The following PEAK1 variants were observed in gnomAD, a reference collection of about 807,000 sequenced individuals.
PEAK1 encodes the protein inactive tyrosine-protein kinase PEAK1.
In PEAK1, 54 loss-of-function variants were observed where a neutral mutation model predicts 124.7. The observed-to-expected ratio is 0.43, with a 90% CI of 0.35 to 0.54. PEAK1 has a LOEUF of 0.54. PEAK1 is among the 20% of genes least tolerant of loss of function. The probability of loss-of-function intolerance (pLI) is 0.01; values close to 1 mark genes in which losing one functional copy is unlikely to be tolerated. For missense variants in PEAK1, 2,046 were observed against 2,134.5 expected (o/e 0.96, Z 0.82); for synonymous variants, 719 against 760.0 (o/e 0.95, Z 0.89).
Position 77,133,848 on chromosome 15 carries a change from G to A in PEAK1, c.3332-98C>T, listed in dbSNP as rs912264028. On this transcript the variant is annotated intron_variant, in intron 8 of 9. Coordinates refer to ENST00000682557, the MANE Select transcript of PEAK1 (RefSeq NM_001385026.1). The surrounding 1 kb of genome is among the most constrained non-coding windows in gnomAD (Gnocchi z 4.2). ...GAGCAGAAATGAGTGAGGTAGCCAT[G>A]GGAATGTAAGAATAAGTCAACTCTT... 1 of 1,301,006 alleles carries A rather than the reference G, an allele frequency of 7.7e-7. No individual in the cohort carries two copies. 80.6% of individuals were successfully genotyped at this position (1,301,006 alleles called of 1,614,324 possible). A position where few individuals can be genotyped will look rare whatever the true frequency, so the allele number is the denominator to read the frequency against.
intron 5 of PEAK1, among the ~76,000 whole-genome samples, chr15:77,279,124 T>C (rs2062521596): frequency 6.6e-6 from 1 of 151,894 alleles, no homozygotes; most frequent in South Asian, 2.1e-4. Flanking sequence ...TGTGTGTGTG[T>C]GTGTGTGTGT....
At chr15:77,213,921 T>C (rs1011256206) in intron 6 of PEAK1, among the ~76,000 whole-genome samples, 6 of 152,162 alleles carry the variant, frequency 3.9e-5, no homozygotes, top group African/African-American at 1.2e-4. Context: ...TTGTGTCCCT[T>C]TGCACTTGAT....
At chr15:77,169,266 T>A (rs1189221432) in intron 7 of PEAK1, among the ~76,000 whole-genome samples, 1 of 152,172 alleles carries the variant, frequency 6.6e-6, no homozygotes, top group Non-Finnish European at 1.5e-5. Flanking sequence ...ATAGGTCTTG[T>A]CAACCAAGTA....
At chr15:77,407,892 T>TATATACACATATATATACAC (rs1555504077) in intron 1 of PEAK1, among the ~76,000 whole-genome samples, 1 of 138,240 alleles carries the variant, frequency 7.2e-6, no homozygotes, top group Non-Finnish European at 1.6e-5. Flanking sequence ...GATATATATA[T>TATATACACATATATATACAC]ATATATATAC....
rs2057267194 is a variant in PEAK1, at chr15:77,181,464, C to T, written c.463G>A (p.Glu155Lys). ...NNNGLTEVLK[E>K]IAGLDTAPQI... ...GGGGCAGTATCCAAGCCTGCTATCT[C>T]CTTTAACACTTCAGTTAGTCCATTA... Residue 155 changes from glutamate to lysine, a missense_variant, in exon 7 of 10, where the codon GAG becomes AAG. Coordinates refer to ENST00000682557, the MANE Select transcript of PEAK1 (RefSeq NM_001385026.1). 6.2e-7 allele frequency: 1 copy of T among 1,614,066 alleles called. No individual in the cohort carries two copies. Among genetic ancestry groups the T allele is most frequent in the African/African-American group, 1.3e-5 (1 of 74,934 alleles).
At chr15:77,283,225 A>G (rs1333010478) in intron 5 of PEAK1, among the ~76,000 whole-genome samples, 3 of 152,208 alleles carry the variant, frequency 2.0e-5, no homozygotes, top group Non-Finnish European at 2.9e-5. Flanking sequence ...ATTTTGTTGT[A>G]TATCAACTCC....
In PEAK1 at chr15:77,282,576, A is replaced by G. The variant is rs2152969191; in HGVS notation, c.-275+1307T>C. 2.0e-5 allele frequency among the ~76,000 whole-genome samples: 3 copies of G among 152,334 alleles called. 1 individual carries two copies. The highest frequency in any genetic ancestry group is 3.4e-3 in the Middle Eastern group (1 of 294). ...GCCTGGCTTGCTTGCAGTTGACTCT[A>G]GATCAGGAATTCTTTAAGCCTAAAG... On this transcript the variant is annotated intron_variant, in intron 5 of 9. Coordinates refer to ENST00000682557, the MANE Select transcript of PEAK1 (RefSeq NM_001385026.1).
intron 2 of PEAK1, among the ~76,000 whole-genome samples, chr15:77,300,966 C>G (rs2063755426): frequency 6.6e-6 from 1 of 152,164 alleles, no homozygotes; most frequent in African/African-American, 2.4e-5. Flanking sequence ...ATTCTCCTGT[C>G]TCAGCCTCCA....
At chr15:77,358,903 T>A (rs985051164) in intron 2 of PEAK1, among the ~76,000 whole-genome samples, 1 of 152,166 alleles carries the variant, frequency 6.6e-6, no homozygotes, top group African/African-American at 2.4e-5. Context: ...AATAACAGTC[T>A]TTACCTCACA....
At chr15:77,381,426 T>C (rs552756340) in intron 1 of PEAK1, 1 of 926,934 alleles carries the variant, frequency 1.1e-6, no homozygotes, top group South Asian at 5.0e-5. Flanking sequence ...ACCCTGTCTC[T>C]TAAAAAAAAT....
chr15:77,133,572 C>T lies in PEAK1; in HGVS notation c.3510G>A (p.Lys1170=), dbSNP rs1321683379. 1.8e-5 allele frequency: 29 copies of T among 1,613,980 alleles called. No homozygotes were observed. Among genetic ancestry groups the T allele is most frequent in the Non-Finnish European group, 2.5e-5 (29 of 1,180,014 alleles). Residue 1170 remains lysine (K), a synonymous_variant, in exon 9 of 10, where the codon AAG becomes AAA. Transcript: ENST00000682557. This position sits in a 1 kb window ranked among gnomAD's most constrained non-coding sequence, Gnocchi z 4.2. ...IIRANTEPIS[K]DLQKSMESSL... is the part of the protein sequence containing the mutation. ...TACTTTCCATGGATTTTTGGAGGTC[C>T]TTGGAGATTGGCTCTGTATTGGCTC...
intron 2 of PEAK1, among the ~76,000 whole-genome samples, chr15:77,293,464 T>TA (rs1467252846): frequency 6.6e-6 from 1 of 152,176 alleles, no homozygotes; most frequent in Non-Finnish European, 1.5e-5. Context: ...TGCCATGCTT[T>TA]AAAAAACCCT....
Position 77,180,808 on chromosome 15 carries a change from G to C in PEAK1, c.1119C>G (p.Asn373Lys), listed in dbSNP as rs1282119690. 3 of 1,613,430 alleles carry C rather than the reference G, an allele frequency of 1.9e-6. No homozygotes were observed. Among genetic ancestry groups the C allele is most frequent in the African/African-American group, 2.7e-5 (2 of 74,844 alleles). The change falls in exon 7 of 10, where the codon AAC (asparagine) becomes AAG (lysine). Residue 373 changes from asparagine to lysine, a missense_variant. Physicochemically the swap from Asn to Lys is moderately conservative, Grantham distance 94. Coordinates refer to ENST00000682557, the MANE Select transcript of PEAK1 (RefSeq NM_001385026.1). ...KICNGGLSPG[N>K]PGDSKDMKEI... Reference sequence around the variant, plus strand: ...CCTTCATGTCCTTAGAATCTCCTGGGTTACCAGGAGATAATCCCCCATTAC... The same window carrying C: ...CCTTCATGTCCTTAGAATCTCCTGGCTTACCAGGAGATAATCCCCCATTAC...
intron 9 of PEAK1, among the ~76,000 whole-genome samples, chr15:77,119,953 T>C (rs977978484): frequency 1.4e-4 from 22 of 152,180 alleles, no homozygotes; most frequent in Admixed American, 8.5e-4. Flanking sequence ...CCTTTCAGAA[T>C]GATCACAAAG....
In PEAK1 at chr15:77,286,521, A is replaced by C; in HGVS notation, c.-602-17T>G. The C allele has an allele frequency of 8.5e-7, 1 of 1,179,216 alleles. No homozygotes were observed. The allele number at this position is 1,179,216 out of a possible 1,614,324, so 73.0% of individuals were successfully genotyped here. On this transcript the variant is annotated splice_polypyrimidine_tract_variant and intron_variant, in intron 2 of 9. Transcript: ENST00000682557. ...ATTCTTTTCCTATTAGAAGATGCAAAGTGGGGAAGATATATTAATAAAGGG... is the reference window on the plus strand; with the variant it reads ...ATTCTTTTCCTATTAGAAGATGCAACGTGGGGAAGATATATTAATAAAGGG...
intron 6 of PEAK1, among the ~76,000 whole-genome samples, chr15:77,210,930 G>C (rs1293387287): frequency 6.6e-6 from 1 of 152,074 alleles, no homozygotes; most frequent in East Asian, 1.9e-4. Context: ...TTAATGATTT[G>C]GGTTTTTAGC....
chr15:77,399,108 G>A (rs1284318200), intron 1 of PEAK1, among the ~76,000 whole-genome samples: 1 of 152,096 alleles, frequency 6.6e-6, no homozygotes, highest in Non-Finnish European at 1.5e-5. Flanking sequence ...ATAAGTGGAA[G>A]AAGACACTAA....
At chr15:77,390,703 A>C (rs112075156) in intron 1 of PEAK1, among the ~76,000 whole-genome samples, 1 of 152,362 alleles carries the variant, frequency 6.6e-6, no homozygotes, top group African/African-American at 2.4e-5. Flanking sequence ...TAATCCACAA[A>C]TGAGACTATA....
chr15:77,376,598 A>G (rs1191331530), intron 1 of PEAK1, among the ~76,000 whole-genome samples: 1 of 152,168 alleles, frequency 6.6e-6, no homozygotes, highest in East Asian at 1.9e-4. Flanking sequence ...ATCCCACAGC[A>G]TATTTCGAAG....
Sources: allele counts gnomAD v4.1 joint callset (sites outside exome capture counted in the v4.1 genomes callset), GRCh38; gene constraint gnomAD v4.1.1; non-coding constraint Gnocchi (gnomAD v3.1); transcripts MANE v1.5; gene names NCBI Gene and HGNC (gene_info 2026-07-23, HGNC 2026-07-21).